Variants in SULF1 observed in about 807,000 individuals in gnomAD.
SULF1 encodes the protein extracellular sulfatase Sulf-1.
SULF1 carries 46 observed loss-of-function variants against 110.5 expected under a neutral mutation model. The ratio of observed to expected loss-of-function variants is 0.42; its 90% confidence interval spans 0.33 to 0.53. The LOEUF is 0.53. SULF1 is among the 20% of genes least tolerant of loss of function. SULF1 has a pLI of 0.12. For synonymous variants in SULF1, 371 were observed against 387.1 expected (o/e 0.96, Z 0.49); for missense variants, 941 against 1,094.2 (o/e 0.86, Z 1.98).
chr8:69,581,736 A>G (rs990959230), intron 6 of SULF1, among the ~76,000 whole-genome samples: 12 of 152,230 alleles, frequency 7.9e-5, no homozygotes, highest in African/African-American at 2.7e-4. Flanking sequence ...GAAAATAATT[A>G]GAGGGCCAGA....
At chr8:69,574,096 C>T (rs756479905) in intron 5 of SULF1, among the ~76,000 whole-genome samples, 5 of 152,194 alleles carry the variant, frequency 3.3e-5, no homozygotes, top group South Asian at 2.1e-4. Context: ...GCAACTGCAA[C>T]GCCTCTCGAG....
chr8:69,539,236 A>G (rs963154250), intron 3 of SULF1, among the ~76,000 whole-genome samples: 5 of 152,148 alleles, frequency 3.3e-5, no homozygotes, highest in Non-Finnish European at 5.9e-5. Context: ...TGGCTTTTAG[A>G]CTGATTGGGA....
intron 3 of SULF1, among the ~76,000 whole-genome samples, chr8:69,558,221 T>C (rs1188933166): frequency 6.6e-6 from 1 of 152,120 alleles, no homozygotes; most frequent in African/African-American, 2.4e-5. Context: ...TAGACAGCAA[T>C]GTAGGATGGG....
intron 3 of SULF1, among the ~76,000 whole-genome samples, chr8:69,520,044 C>T (rs759793949): frequency 6.0e-5 from 9 of 150,464 alleles, no homozygotes; most frequent in South Asian, 4.2e-4. Flanking sequence ...TTAAAATCTG[C>T]GGATATGGGC....
intron 5 of SULF1, among the ~76,000 whole-genome samples, chr8:69,575,234 G>A (rs1028206102): frequency 1.3e-5 from 2 of 149,734 alleles, no homozygotes; most frequent in African/African-American, 2.5e-5. Context: ...GCAATCTTAC[G>A]TTACCAGTTG....
intron 22 of SULF1, among the ~76,000 whole-genome samples, chr8:69,650,581 A>C (rs1298743800): frequency 6.6e-6 from 1 of 152,144 alleles, no homozygotes; most frequent in Non-Finnish European, 1.5e-5. Context: ...CTACATTCCA[A>C]CCTGGATGAC....
At chr8:69,583,400 T>G (rs1347899817) in intron 6 of SULF1, among the ~76,000 whole-genome samples, 2 of 110,934 alleles carry the variant, frequency 1.8e-5, no homozygotes, top group African/African-American at 5.6e-5. Flanking sequence ...AAACCCCATC[T>G]CTATTTAAAA....
rs117033522 is a variant in SULF1, at chr8:69,515,155, C to T, written c.-134+13187C>T. Among the ~76,000 whole-genome samples, 620 of 152,228 alleles carry T rather than the reference C, an allele frequency of 4.1e-3. 4 individuals are homozygous for T. The highest frequency in any genetic ancestry group is 0.014 in the African/African-American group (569 of 41,534). Reference sequence around the variant, plus strand: ...ATCCCACATTTCCCCTCCATACTTCCGTAGTAGAGGCTCTCCACAGGGCTC... The same window carrying T: ...ATCCCACATTTCCCCTCCATACTTCTGTAGTAGAGGCTCTCCACAGGGCTC... On this transcript the variant is annotated intron_variant, in intron 3 of 22. Transcript: ENST00000402687.
chr8:69,537,964 CT>C lies in SULF1; in HGVS notation c.-133-25560del, dbSNP rs746746718. 8.6e-3 allele frequency among the ~76,000 whole-genome samples: 1,218 copies of C among 141,772 alleles called. 9 individuals carry two copies. The highest frequency in any genetic ancestry group is 0.019 in the African/African-American group (727 of 39,028). The allele number at this position is 141,772 out of a possible 152,430, so 93.0% of individuals were successfully genotyped here. A position where few individuals can be genotyped will look rare whatever the true frequency, so the allele number is the denominator to read the frequency against. On this transcript the variant is annotated intron_variant, in intron 3 of 22. Transcript: ENST00000402687. Reference sequence around the variant, plus strand: ...CTCAAGTTTTATAACATTTCAAATCCTTTTTTTTTTTTTTTAGACGGAGTCT... The same window carrying C: ...CTCAAGTTTTATAACATTTCAAATCCTTTTTTTTTTTTTTAGACGGAGTCT...
At chr8:69,470,091 T>C (rs1809020007) in intron 1 of SULF1, among the ~76,000 whole-genome samples, 1 of 152,070 alleles carries the variant, frequency 6.6e-6, no homozygotes, top group African/African-American at 2.4e-5. Context: ...GAGCTATATA[T>C]AGTATTGAGA....
chr8:69,561,773 A>T (rs577688287), intron 3 of SULF1, among the ~76,000 whole-genome samples: 1 of 152,212 alleles, frequency 6.6e-6, no homozygotes, highest in Non-Finnish European at 1.5e-5. Context: ...AACCTCTAAG[A>T]AATTTCTGTA....
Position 69,626,183 on chromosome 8 carries a change from G to A in SULF1, c.1851-1027G>A, listed in dbSNP as rs55923625. On this transcript the variant is annotated intron_variant, in intron 15 of 22. Transcript: ENST00000402687. ...CACCAGAGCAGCTAGATACAGTGTC[G>A]ATTGGTGCAGTCACAAACCTTGAAC... 2.9e-4 allele frequency: 12 copies of A among 41,180 alleles called. 2 individuals carry two copies. Among genetic ancestry groups the A allele is most frequent in the African/African-American group, 8.7e-4 (10 of 11,478 alleles). The allele number at this position is 41,180 out of a possible 1,614,324, so 2.6% of individuals were successfully genotyped here. A position where few individuals can be genotyped will look rare whatever the true frequency, so the allele number is the denominator to read the frequency against.
intron 21 of SULF1, among the ~76,000 whole-genome samples, chr8:69,639,633 G>T (rs775870874): frequency 3.9e-5 from 6 of 152,174 alleles, no homozygotes; most frequent in Non-Finnish European, 8.8e-5. Context: ...CCTTGGCATG[G>T]CATGCCAACT....
chr8:69,640,374 T>G (rs1334720784), intron 21 of SULF1, among the ~76,000 whole-genome samples: 1 of 152,188 alleles, frequency 6.6e-6, no homozygotes, highest in Non-Finnish European at 1.5e-5. Flanking sequence ...ACACACTGGG[T>G]GGAGCCAGTT....
intron 5 of SULF1, among the ~76,000 whole-genome samples, chr8:69,567,053 A>AG (rs1304181805): frequency 6.6e-6 from 1 of 152,184 alleles, no homozygotes; most frequent in African/African-American, 2.4e-5. Flanking sequence ...TCCATTAATC[A>AG]GCCATCTACA....
At chr8:69,598,358 C>T (rs1332459502) in intron 8 of SULF1, among the ~76,000 whole-genome samples, 1 of 152,090 alleles carries the variant, frequency 6.6e-6, no homozygotes, top group Non-Finnish European at 1.5e-5. Context: ...GGTTGTTCCT[C>T]AAAACAGCTT....
At chr8:69,616,128 G>GTATATATACACACATATATATGTGTGTA (rs1809099015) in intron 13 of SULF1, among the ~76,000 whole-genome samples, 1 of 129,258 alleles carries the variant, frequency 7.7e-6, no homozygotes, top group African/African-American at 2.9e-5. Flanking sequence ...TATATAATGT[G>GTATATATACACACATATATATGTGTGTA]TATATATATA....
rs553236730 is a variant in SULF1, at chr8:69,624,169, C to G, written c.1822C>G (p.Pro608Ala). Residue 608 changes from proline to alanine, a missense_variant, in exon 15 of 23, where the codon CCA (proline) becomes GCA (alanine). Pro to Ala is a conservative substitution (Grantham distance 27). Around this residue, in one of 3 missense-constraint regions of SULF1, gnomAD observed 822 missense variants for 934.3 expected, o/e 0.88. Transcript: ENST00000402687. The part of the protein sequence containing the change: ...MLADSSNAVG[P>A]PTTVRVTHKC... ...GGCAGATAGCAGCAACGCCGTGGGCCCACCTACCACTGTCCGAGTGACACA... is the reference window on the plus strand; with the variant it reads ...GGCAGATAGCAGCAACGCCGTGGGCGCACCTACCACTGTCCGAGTGACACA... The G allele has an allele frequency of 1.9e-6, 3 of 1,599,356 alleles. No individual in the cohort carries two copies. The African/African-American group carries it at 4.0e-5, about 21-fold the overall frequency.
chr8:69,624,080 A>T lies in SULF1; in HGVS notation c.1733A>T (p.Asp578Val), dbSNP rs897104232. 2 of 1,614,062 alleles carry T rather than the reference A, an allele frequency of 1.2e-6. No individual in the cohort carries two copies. The highest frequency in any genetic ancestry group is 2.7e-5 in the African/African-American group (2 of 74,936). The change falls in exon 15 of 23, where the codon GAT (aspartate) becomes GTT (valine). Residue 578 changes from aspartate to valine, a missense_variant. Physicochemically the swap from Asp to Val is radical, Grantham distance 152 (BLOSUM62 -3). Transcript: ENST00000402687. ...CCAAGAAACATTGCTAAGCGTCATGATGAAGGCCACAAGGGGCCAAGAGAT... is the reference window on the plus strand; with the variant it reads ...CCAAGAAACATTGCTAAGCGTCATGTTGAAGGCCACAAGGGGCCAAGAGAT... ...LQPRNIAKRH[D>V]EGHKGPRDLQ...
Sources: allele counts gnomAD v4.1 joint callset (sites outside exome capture counted in the v4.1 genomes callset), GRCh38; gene constraint gnomAD v4.1.1; regional missense constraint gnomAD v4.1.1; transcripts MANE v1.5; gene names NCBI Gene and HGNC (gene_info 2026-07-23, HGNC 2026-07-21).